MYO9A: variants seen among roughly 807,000 people sequenced by gnomAD.
MYO9A encodes the protein unconventional myosin-IXa.
Under a neutral mutation model 293.3 loss-of-function variants are expected in MYO9A, and 103 were observed. That is an observed-to-expected ratio of 0.35 (90% CI 0.30 to 0.41). MYO9A has a LOEUF of 0.41. MYO9A is among the 10% of genes least tolerant of loss of function. The pLI is 1.00. For synonymous variants in MYO9A, 1,001 were observed against 1,035.7 expected (o/e 0.97, Z 0.64); for missense variants, 2,685 against 3,033.0 (o/e 0.89, Z 2.69).
At chr15:71,999,488 A>G (rs1358008811) in intron 9 of MYO9A, among the ~76,000 whole-genome samples, 3 of 152,152 alleles carry the variant, frequency 2.0e-5, no homozygotes, top group African/African-American at 7.2e-5. Context: ...TGAAAAAGTT[A>G]ACCAAAAAAG....
intron 8 of MYO9A, among the ~76,000 whole-genome samples, chr15:72,004,321 G>T (rs1311285996): frequency 6.6e-6 from 1 of 152,216 alleles, no homozygotes; most frequent in Admixed American, 6.5e-5. Flanking sequence ...ACTTTGGGAG[G>T]CCAAGGCGGG....
At chr15:72,076,458 A>G (rs530509305) in intron 1 of MYO9A, among the ~76,000 whole-genome samples, 1 of 152,326 alleles carries the variant, frequency 6.6e-6, no homozygotes, top group East Asian at 1.9e-4. Flanking sequence ...ATTTCTAAAT[A>G]CTCCATGAAA....
At chr15:71,937,728 A>T (rs1167861179) in intron 16 of MYO9A, among the ~76,000 whole-genome samples, 1 of 152,180 alleles carries the variant, frequency 6.6e-6, no homozygotes, top group East Asian at 1.9e-4. Context: ...AAAGAAGCAC[A>T]AACTAGAAAT....
At chr15:71,961,145 G>C in intron 13 of MYO9A, among the ~76,000 whole-genome samples, 1 of 152,194 alleles carries the variant, frequency 6.6e-6, no homozygotes, top group East Asian at 1.9e-4. Context: ...CACAATATTA[G>C]AGTAAACCAG....
In MYO9A at chr15:72,062,170, A is replaced by G. The variant is rs1270065633; in HGVS notation, c.-71-15536T>C. Among the ~76,000 whole-genome samples the G allele has an allele frequency of 2.0e-5, 3 of 152,360 alleles. No individual in the cohort carries two copies. The East Asian group carries it at 5.8e-4, about 29-fold the overall frequency. ...GTACCCTAATGAAGAGACAGCTACA[A>G]TAACCAAAGACAGATCATAATACTC... On this transcript the variant is annotated intron_variant, in intron 1 of 41. Coordinates refer to ENST00000356056, the MANE Select transcript of MYO9A (RefSeq NM_006901.4).
intron 1 of MYO9A, among the ~76,000 whole-genome samples, chr15:72,096,774 G>A (rs1383666568): frequency 1.3e-5 from 2 of 152,178 alleles, no homozygotes; most frequent in South Asian, 2.1e-4. Context: ...CATGACTCGT[G>A]GGAAGAGGTC....
chr15:72,088,421 CTATAG>C (rs1567027352), intron 1 of MYO9A, among the ~76,000 whole-genome samples: 2 of 152,194 alleles, frequency 1.3e-5, no homozygotes, highest in African/African-American at 4.8e-5. Context: ...TTCAAATATT[CTATAG>C]AGTTCCTTTC....
At chr15:71,969,823 T>C (rs553174063) in intron 12 of MYO9A, among the ~76,000 whole-genome samples, 1 of 151,966 alleles carries the variant, frequency 6.6e-6, no homozygotes, top group East Asian at 1.9e-4. Context: ...AAAAAAAAAA[T>C]TTGGAACACA....
chr15:71,924,224 A>G (rs796696783), intron 18 of MYO9A, among the ~76,000 whole-genome samples: 1 of 151,244 alleles, frequency 6.6e-6, no homozygotes, highest in East Asian at 1.9e-4. Flanking sequence ...AATTTTGTTT[A>G]TTATTATTAT....
At chr15:72,046,992 C>G (rs1304303057) in intron 1 of MYO9A, among the ~76,000 whole-genome samples, 1 of 152,152 alleles carries the variant, frequency 6.6e-6, no homozygotes, top group Non-Finnish European at 1.5e-5. Context: ...TGGATTAAGA[C>G]AGAATAACCA....
intron 28 of MYO9A, 123 bp downstream of exon 28, chr15:71,883,471 G>C: frequency 9.6e-7 from 1 of 1,042,474 alleles, no homozygotes; most frequent in Non-Finnish European, 1.4e-6. Context: ...AACAATGCTG[G>C]TCCTATCTCA....
At chr15:72,099,420 CCCAAAAA>C (rs1430318010) in intron 1 of MYO9A, among the ~76,000 whole-genome samples, 68 of 27,848 alleles carry the variant, frequency 2.4e-3, no homozygotes, top group African/African-American at 6.3e-3. Context: ...AAGACCCTGC[CCCAAAAA>C]AAAAAAAAAA....
At chr15:71,874,675 G>T (rs1377882848) in intron 32 of MYO9A, among the ~76,000 whole-genome samples, 2 of 152,198 alleles carry the variant, frequency 1.3e-5, no homozygotes, top group African/African-American at 4.8e-5. Flanking sequence ...TAGTTCATCG[G>T]ACTGCTGTTG....
At chr15:72,080,485 G>C (rs1272003211) in intron 1 of MYO9A, among the ~76,000 whole-genome samples, 1 of 151,844 alleles carries the variant, frequency 6.6e-6, no homozygotes, top group African/African-American at 2.4e-5. Flanking sequence ...AGTCTCCACA[G>C]CTCAAGGAGA....
At chr15:72,011,817 A>T (rs1269599828) in intron 6 of MYO9A, among the ~76,000 whole-genome samples, 1 of 152,178 alleles carries the variant, frequency 6.6e-6, no homozygotes, top group Non-Finnish European at 1.5e-5. Flanking sequence ...CTATCTTCCT[A>T]GGGAATATTC....
chr15:71,897,917 G>C lies in MYO9A; in HGVS notation c.4586C>G (p.Ala1529Gly), dbSNP rs2057377629. Residue 1529 changes from alanine to glycine, a missense_variant, in exon 25 of 42, where the codon GCC (alanine) becomes GGC (glycine). By Grantham distance (60) the Ala-to-Gly change is moderately conservative. Transcript: ENST00000356056. ...QTDILEKERK[A>G]FKTIEKPRIG... ...TCTTGGCTTTTCAATTGTCTTGAAG[G>C]CTTTGCGCTCCTTCTCTAAAATATC... 6.2e-7 allele frequency: 1 copy of C among 1,614,130 alleles called. No homozygotes were observed. The highest frequency in any genetic ancestry group is 1.1e-5 in the South Asian group (1 of 91,078).
chr15:71,848,104 T>C (rs1310734727), intron 39 of MYO9A, among the ~76,000 whole-genome samples: 1 of 151,844 alleles, frequency 6.6e-6, no homozygotes, highest in Non-Finnish European at 1.5e-5. Flanking sequence ...GGGTGGCAAA[T>C]GGGCAATAAA....
intron 11 of MYO9A, among the ~76,000 whole-genome samples, chr15:71,985,827 C>G (rs562066452): frequency 6.6e-6 from 1 of 152,250 alleles, no homozygotes; most frequent in Admixed American, 6.5e-5. Context: ...TCAAAAGTTT[C>G]TAGTCTGACA....
At chr15:71,926,792 C>T (rs999506194) in intron 18 of MYO9A, among the ~76,000 whole-genome samples, 1 of 152,148 alleles carries the variant, frequency 6.6e-6, no homozygotes, top group African/African-American at 2.4e-5. Context: ...TCACCAGGAG[C>T]AGAGCTACCA....
Sources: allele counts gnomAD v4.1 joint callset (sites outside exome capture counted in the v4.1 genomes callset), GRCh38; gene constraint gnomAD v4.1.1; transcripts MANE v1.5; gene names NCBI Gene and HGNC (gene_info 2026-07-23, HGNC 2026-07-21).